HS3ST4: variants seen among roughly 807,000 people sequenced by gnomAD.
HS3ST4 encodes heparan sulfate-glucosamine 3-sulfotransferase 4.
Under a neutral mutation model 29.2 loss-of-function variants are expected in HS3ST4, and 17 were observed. That is an observed-to-expected ratio of 0.58 (90% CI 0.40 to 0.87). The LOEUF (loss-of-function observed/expected upper bound fraction) is 0.87, where lower values mean the gene tolerates loss of function less well. HS3ST4 is among the 40% of genes least tolerant of loss of function. The probability of loss-of-function intolerance (pLI) is 0.00; values close to 1 mark genes in which losing one functional copy is unlikely to be tolerated. For missense variants in HS3ST4, 627 were observed against 634.5 expected, an observed-to-expected ratio of 0.99 and a Z score of 0.13; for synonymous variants, 314 against 285.7, an observed-to-expected ratio of 1.10 and a Z score of -1.00.
At chr16:25,719,479 T>C (rs1966478787) in intron 1 of HS3ST4, among the ~76,000 whole-genome samples, 1 of 152,248 alleles carries the variant, frequency 6.6e-6, no homozygotes. Flanking sequence ...TTAGGACATT[T>C]AGATTTCACT....
At chr16:26,051,166 G>C (rs1596663565) in intron 1 of HS3ST4, among the ~76,000 whole-genome samples, 4 of 152,132 alleles carry the variant, frequency 2.6e-5, no homozygotes, top group Admixed American at 2.6e-4. Context: ...CTCTAAGTCA[G>C]ACTTGGTTCC....
intron 1 of HS3ST4, among the ~76,000 whole-genome samples, chr16:25,736,516 C>A (rs989964787): frequency 1.5e-4 from 23 of 152,164 alleles, no homozygotes; most frequent in African/African-American, 5.1e-4. Context: ...TTCATGTGAT[C>A]CCTAAGAATA....
intron 1 of HS3ST4, among the ~76,000 whole-genome samples, chr16:25,745,074 G>T (rs1001167739): frequency 2.0e-5 from 3 of 152,086 alleles, no homozygotes; most frequent in African/African-American, 7.2e-5. Flanking sequence ...TCTTGAAAAC[G>T]ATTCTCATTG....
intron 1 of HS3ST4, among the ~76,000 whole-genome samples, chr16:26,092,094 A>C (rs949770727): frequency 6.6e-6 from 1 of 151,996 alleles, no homozygotes; most frequent in African/African-American, 2.4e-5. Context: ...GGCAACCTGG[A>C]TCCTCTCAAA....
At chr16:26,066,838 A>G (rs1020529797) in intron 1 of HS3ST4, among the ~76,000 whole-genome samples, 1 of 152,242 alleles carries the variant, frequency 6.6e-6, no homozygotes, top group African/African-American at 2.4e-5. Flanking sequence ...ATCCCTTTGC[A>G]GTATGCAATG....
intron 1 of HS3ST4, among the ~76,000 whole-genome samples, chr16:25,783,836 G>C (rs1966854847): frequency 6.6e-6 from 1 of 152,060 alleles, no homozygotes; most frequent in Admixed American, 6.6e-5. Context: ...TTTCTTAAAC[G>C]CTTTAAGTTA....
chr16:25,983,796 T>C (rs8051444), intron 1 of HS3ST4, among the ~76,000 whole-genome samples: 4,701 of 152,284 alleles, frequency 0.031, 254 homozygotes, highest in African/African-American at 0.11. Flanking sequence ...AAACCCAGAA[T>C]CATGGACTCA....
intron 1 of HS3ST4, among the ~76,000 whole-genome samples, chr16:26,020,483 A>C (rs1170358341): frequency 6.6e-6 from 1 of 152,226 alleles, no homozygotes; most frequent in African/African-American, 2.4e-5. Flanking sequence ...GCGCTGTGAC[A>C]GCCGGAGGAC....
Position 26,005,752 on chromosome 16 carries a change from T to G in HS3ST4, c.735-129860T>G, listed in dbSNP as rs945885067. ...TGTGTGAAAAAAAAAAAAAAACCTT[T>G]GAAGCAGAGATCAGAGCTTGAGAGA... On this transcript the variant is annotated intron_variant, in intron 1 of 1. Transcript: ENST00000331351. Among the ~76,000 whole-genome samples, 22 of 152,010 alleles carry G rather than the reference T, an allele frequency of 1.4e-4. No individual in the cohort carries two copies. In the East Asian group the frequency reaches 3.9e-3, roughly 27 times the overall value.
intron 1 of HS3ST4, among the ~76,000 whole-genome samples, chr16:26,010,607 G>A (rs4787797): frequency 0.05 from 7,567 of 152,192 alleles, 629 homozygotes; most frequent in African/African-American, 0.16. Flanking sequence ...CAAGTCAGAG[G>A]AATACTGTTC....
intron 1 of HS3ST4, among the ~76,000 whole-genome samples, chr16:25,743,942 A>T (rs930395783): frequency 6.6e-6 from 1 of 152,110 alleles, no homozygotes; most frequent in African/African-American, 2.4e-5. Context: ...TTTATCACAC[A>T]TCTCAGTATT....
chr16:25,812,742 C>A (rs1967054156), intron 1 of HS3ST4, among the ~76,000 whole-genome samples: 1 of 150,676 alleles, frequency 6.6e-6, no homozygotes, highest in African/African-American at 2.5e-5. Context: ...TTTGCTGTTA[C>A]CCAAGCTGGA....
intron 1 of HS3ST4, among the ~76,000 whole-genome samples, chr16:25,972,049 G>A (rs1484856782): frequency 6.6e-6 from 1 of 152,206 alleles, no homozygotes; most frequent in Non-Finnish European, 1.5e-5. Context: ...CCTGAGCTGG[G>A]CCTTGGTTCC....
Position 25,790,150 on chromosome 16 carries a change from G to A in HS3ST4, c.734+96999G>A, listed in dbSNP as rs1364551356. ...TGGCTGGATGCCATGGTTCATGCCT[G>A]TAATCCCAGCACTTTGGGATGCCAA... On this transcript the variant is annotated intron_variant, in intron 1 of 1. Transcript: ENST00000331351. Among the ~76,000 whole-genome samples the A allele has an allele frequency of 8.1e-5, 12 of 147,918 alleles. No homozygotes were observed. In the Admixed American group the frequency reaches 8.2e-4, roughly 10 times the overall value.
At chr16:25,871,524 A>G (rs1408790725) in intron 1 of HS3ST4, among the ~76,000 whole-genome samples, 3 of 152,174 alleles carry the variant, frequency 2.0e-5, no homozygotes, top group African/African-American at 4.8e-5. Flanking sequence ...AATAACATAT[A>G]TAGTGCTTAT....
chr16:25,992,852 G>A (rs771755969), intron 1 of HS3ST4, among the ~76,000 whole-genome samples: 1 of 152,226 alleles, frequency 6.6e-6, no homozygotes, highest in Non-Finnish European at 1.5e-5. Flanking sequence ...GCACTTGTAT[G>A]GTGCAGGGAG....
chr16:25,828,236 T>TTTTCTG lies in HS3ST4; in HGVS notation c.734+135086_734+135087insTTCTGT, dbSNP rs1555467545. ...TGCTTTCTTTCCTTTCTTTCTTTCTTTCTTTCTCTTTCTTTCTTTCTTTCT... is the reference window on the plus strand; with the variant it reads ...TGCTTTCTTTCCTTTCTTTCTTTCTTTTTCTGTCTTTCTCTTTCTTTCTTTCTTTCT... On this transcript the variant is annotated intron_variant, in intron 1 of 1. Coordinates refer to ENST00000331351, the MANE Select transcript of HS3ST4 (RefSeq NM_006040.3). 1.3e-3 allele frequency among the ~76,000 whole-genome samples: 109 copies of TTTTCTG among 81,658 alleles called. 4 individuals carry two copies. The highest frequency in any genetic ancestry group is 9.3e-3 in the Middle Eastern group (2 of 214). 53.6% of individuals were successfully genotyped at this position (81,658 alleles called of 152,430 possible).
intron 1 of HS3ST4, among the ~76,000 whole-genome samples, chr16:25,819,992 C>CAG (rs1184690284): frequency 1.0e-5 from 1 of 100,142 alleles, no homozygotes; most frequent in African/African-American, 4.1e-5. Context: ...GCCTGGGTGA[C>CAG]AGAGTGATAC....
At chr16:26,120,582 T>C (rs1383223564) in intron 1 of HS3ST4, among the ~76,000 whole-genome samples, 1 of 152,212 alleles carries the variant, frequency 6.6e-6, no homozygotes, top group African/African-American at 2.4e-5. Context: ...CTAGAGCTGG[T>C]GCGTGGCAGT....
Sources: allele counts gnomAD v4.1 joint callset (sites outside exome capture counted in the v4.1 genomes callset), GRCh38; gene constraint gnomAD v4.1.1; transcripts MANE v1.5; gene names NCBI Gene and HGNC (gene_info 2026-07-23, HGNC 2026-07-21).